The following COMMD10 variants were observed in gnomAD, a reference collection of about 807,000 sequenced individuals.
The protein encoded by COMMD10 is COMM domain-containing protein 10.
COMMD10 carries 33 observed loss-of-function variants against 28.9 expected under a neutral mutation model. That is an observed-to-expected ratio of 1.14 (90% CI 0.87 to 1.53). The LOEUF is 1.53. Ranked by LOEUF, COMMD10 falls within the 40% of genes most tolerant of loss-of-function variation. The probability of loss-of-function intolerance (pLI) is 0.00; values close to 1 mark genes in which losing one functional copy is unlikely to be tolerated. For missense variants in COMMD10, 310 were observed against 233.4 expected (o/e 1.33, Z -2.14); for synonymous variants, 110 against 81.7 (o/e 1.35, Z -1.87).
chr5:116,115,603 AC>A (rs1293111982), intron 4 of COMMD10, among the ~76,000 whole-genome samples: 1 of 152,128 alleles, frequency 6.6e-6, no homozygotes, highest in Non-Finnish European at 1.5e-5. Context: ...TTGTTGTAAT[AC>A]CTATGTGTTC....
intron 5 of COMMD10, among the ~76,000 whole-genome samples, chr5:116,186,276 T>A (rs1423837775): frequency 6.6e-6 from 1 of 152,166 alleles, no homozygotes; most frequent in Non-Finnish European, 1.5e-5. Context: ...TCTGCTCCCA[T>A]AACCCCAAAC....
chr5:116,108,893 G>A (rs926316630), intron 4 of COMMD10, among the ~76,000 whole-genome samples: 16 of 152,148 alleles, frequency 1.1e-4, no homozygotes, highest in East Asian at 1.9e-4. Context: ...TTTCTGGGCC[G>A]GAGTGCACCG....
chr5:116,186,581 C>T (rs1350708778), intron 5 of COMMD10, among the ~76,000 whole-genome samples: 1 of 152,262 alleles, frequency 6.6e-6, no homozygotes, highest in East Asian at 1.9e-4. Flanking sequence ...AGTTCTCCTA[C>T]TTCATACCTT....
chr5:116,274,503 G>A (rs1580604128), intron 5 of COMMD10, among the ~76,000 whole-genome samples: 1 of 151,790 alleles, frequency 6.6e-6, no homozygotes, highest in African/African-American at 2.4e-5. Context: ...CACTTGGCCT[G>A]CGGACTATCA....
Position 116,134,118 on chromosome 5 carries a change from A to C in COMMD10, c.450A>C (p.Gln150His), listed in dbSNP as rs752024302. ...ACCTTCAGATGGCTCACTCTGCTCA[A>C]GCAAAACTAAAATCTCCTCAAGCTG... ...QLNLQMAHSA[Q>H]AKLKSPQAVL... Residue 150 changes from glutamine to histidine, a missense_variant, in exon 5 of 7, where the codon CAA (glutamine) becomes CAC (histidine). Transcript: ENST00000274458. The C allele has an allele frequency of 8.1e-6, 13 of 1,613,186 alleles. No homozygotes were observed. In the Admixed American group the frequency reaches 2.0e-4, roughly 25 times the overall value.
In COMMD10 at chr5:116,292,504, G is replaced by GT. The variant is rs1014695062; in HGVS notation, c.*22dup. On this transcript the variant is annotated 3_prime_UTR_variant, in exon 7 of 7. Coordinates refer to ENST00000274458, the MANE Select transcript of COMMD10 (RefSeq NM_016144.4). ...CCCTTACATGATGTTTTCGAAGACTGTTTTTTTCATCACGCTCCTGCCACC... is the reference window on the plus strand; with the variant it reads ...CCCTTACATGATGTTTTCGAAGACTGTTTTTTTTCATCACGCTCCTGCCACC... 9.5e-6 allele frequency: 15 copies of GT among 1,573,874 alleles called. No homozygotes were observed. Among genetic ancestry groups the GT allele is most frequent in the Admixed American group, 1.7e-5 (1 of 57,554 alleles).
intron 5 of COMMD10, among the ~76,000 whole-genome samples, chr5:116,228,758 T>A (rs1749458631): frequency 6.6e-6 from 1 of 152,028 alleles, no homozygotes; most frequent in Admixed American, 6.6e-5. Flanking sequence ...AGGATCACTG[T>A]GACTCTCTCC....
intron 4 of COMMD10, among the ~76,000 whole-genome samples, chr5:116,112,545 T>C (rs970022838): frequency 2.0e-5 from 3 of 152,048 alleles, no homozygotes; most frequent in African/African-American, 7.2e-5. Flanking sequence ...TGTATATAGG[T>C]GCGCGCCACC....
intron 5 of COMMD10, among the ~76,000 whole-genome samples, chr5:116,270,224 G>A (rs898355919): frequency 2.6e-5 from 4 of 151,736 alleles, no homozygotes; most frequent in Admixed American, 1.3e-4. Context: ...TAGGCTTTTC[G>A]AAAGCAAAAA....
At chr5:116,125,277 T>G (rs1056780427) in intron 4 of COMMD10, among the ~76,000 whole-genome samples, 19 of 152,212 alleles carry the variant, frequency 1.2e-4, no homozygotes, top group Admixed American at 9.8e-4. Context: ...AGCATTTGTC[T>G]GTAAATGATT....
intron 5 of COMMD10, among the ~76,000 whole-genome samples, chr5:116,174,188 G>A (rs998924646): frequency 6.6e-6 from 1 of 152,062 alleles, no homozygotes; most frequent in Non-Finnish European, 1.5e-5. Context: ...AAAAAGATGT[G>A]CATGTCTTAA....
chr5:116,162,043 T>G (rs1028988790), intron 5 of COMMD10, among the ~76,000 whole-genome samples: 2 of 152,198 alleles, frequency 1.3e-5, no homozygotes, highest in African/African-American at 4.8e-5. Flanking sequence ...TCGCCACTTT[T>G]TGACTGATTG....
intron 5 of COMMD10, among the ~76,000 whole-genome samples, chr5:116,179,787 T>C (rs1279939560): frequency 6.6e-6 from 1 of 152,096 alleles, no homozygotes; most frequent in African/African-American, 2.4e-5. Context: ...GTCAGTGTGA[T>C]GGTAACCATG....
chr5:116,087,443 T>C, intron 1 of COMMD10, 54 bp from the exon 2 acceptor site: 1 of 1,004,094 alleles, frequency 1.0e-6, no homozygotes, highest in Non-Finnish European at 1.6e-6. Flanking sequence ...CTATAGAAAG[T>C]GCAGTTCAAC....
intron 5 of COMMD10, among the ~76,000 whole-genome samples, chr5:116,171,069 T>G (rs1384309211): frequency 6.6e-6 from 1 of 151,948 alleles, no homozygotes; most frequent in African/African-American, 2.4e-5. Flanking sequence ...ATGAGAAAAA[T>G]TTTGCAATCT....
intron 4 of COMMD10, among the ~76,000 whole-genome samples, chr5:116,114,494 A>G (rs1318591598): frequency 2.0e-5 from 3 of 152,048 alleles, no homozygotes. Flanking sequence ...TTTTATGCCC[A>G]AACTCTGTCC....
intron 4 of COMMD10, among the ~76,000 whole-genome samples, chr5:116,119,838 A>G (rs1394919887): frequency 2.0e-5 from 3 of 151,800 alleles, no homozygotes; most frequent in African/African-American, 7.3e-5. Context: ...CTGGTCTTGA[A>G]CTCTTGGCCT....
At chr5:116,253,324 C>A (rs1469883643) in intron 5 of COMMD10, among the ~76,000 whole-genome samples, 287 of 143,834 alleles carry the variant, frequency 2.0e-3, no homozygotes, top group African/African-American at 7.2e-3. Context: ...CCAGAACTTC[C>A]AACACTATGT....
intron 5 of COMMD10, among the ~76,000 whole-genome samples, chr5:116,139,336 A>T (rs1483048017): frequency 6.6e-6 from 1 of 150,876 alleles, no homozygotes; most frequent in East Asian, 1.9e-4. Flanking sequence ...GCTGCCTTTT[A>T]TTAACAAATA....
Sources: allele counts gnomAD v4.1 joint callset (sites outside exome capture counted in the v4.1 genomes callset), GRCh38; gene constraint gnomAD v4.1.1; transcripts MANE v1.5; gene names NCBI Gene and HGNC (gene_info 2026-07-23, HGNC 2026-07-21).